The following COL22A1 variants were observed in gnomAD, a reference collection of about 807,000 sequenced individuals.
COL22A1 encodes collagen alpha-1(XXII) chain.
Under a neutral mutation model 248.9 loss-of-function variants are expected in COL22A1, and 221 were observed. The observed-to-expected ratio is 0.89, with a 90% confidence interval of 0.80 to 0.99. The LOEUF is 0.99. Ranked by LOEUF, COL22A1 falls within the 50% of genes least tolerant of loss-of-function variation. The pLI is 0.00. For missense variants in COL22A1, 2,240 were observed against 2,179.0 expected (o/e 1.03, Z -0.56); for synonymous variants, 891 against 793.4 (o/e 1.12, Z -2.07).
intron 16 of COL22A1, 104 bp from the exon 17 acceptor site, chr8:138,762,570 A>G (rs1478567439): frequency 5.7e-6 from 6 of 1,051,474 alleles, no homozygotes; most frequent in Non-Finnish European, 8.6e-6. Flanking sequence ...GGGTGGGGAA[A>G]AGGTGCCAAA....
intron 9 of COL22A1, among the ~76,000 whole-genome samples, chr8:138,809,866 A>G (rs2131685223): frequency 6.6e-6 from 1 of 152,240 alleles, no homozygotes; most frequent in Middle Eastern, 3.4e-3. Flanking sequence ...TGATTGACTT[A>G]TATATCAACT....
intron 3 of COL22A1, among the ~76,000 whole-genome samples, chr8:138,864,167 T>TGCCCAAACGGCAA (rs1822695314): frequency 6.6e-6 from 1 of 152,044 alleles, no homozygotes; most frequent in South Asian, 2.1e-4. Context: ...ATCTGGACCT[T>TGCCCAAACGGCAA]GGACCTCCCT....
At chr8:138,620,746 C>A (rs1819717442) in intron 52 of COL22A1, 1 of 152,232 alleles carries the variant, frequency 6.6e-6, no homozygotes, top group South Asian at 2.1e-4. Context: ...CATAGAGGTT[C>A]AGTCATCTGC....
At chr8:138,647,796 A>G (rs932246956) in intron 46 of COL22A1, among the ~76,000 whole-genome samples, 5 of 152,172 alleles carry the variant, frequency 3.3e-5, no homozygotes, top group Admixed American at 6.5e-5. Flanking sequence ...CACAGAATAC[A>G]AGCCTCATTC....
rs1217107919 is a variant in COL22A1, at chr8:138,878,139, A to G, written c.269T>C (p.Phe90Ser). 1.2e-6 allele frequency: 2 copies of G among 1,606,100 alleles called. No homozygotes were observed. Among genetic ancestry groups the G allele is most frequent in the Non-Finnish European group, 1.7e-6 (2 of 1,177,094 alleles). The part of the protein sequence containing the change: ...VRYSDRPTTA[F>S]ELGLFGSQEE... ...CTGCGAGCCAAAGAGTCCCAACTCG[A>G]AGGCCGTGGTGGGCCGGTCGCTGTA... Residue 90 changes from phenylalanine (F) to serine (S), a missense_variant, in exon 3 of 65, where the codon TTC (phenylalanine) becomes TCC (serine). By Grantham distance (155) the Phe-to-Ser change is radical (BLOSUM62 -2). Transcript: ENST00000303045.
intron 17 of COL22A1, among the ~76,000 whole-genome samples, chr8:138,761,543 G>T (rs1001910916): frequency 6.6e-6 from 1 of 151,494 alleles, no homozygotes. Context: ...TAGTATATTA[G>T]AATATTTATT....
chr8:138,755,647 C>A, intron 19 of COL22A1, 136 bp from the exon 20 acceptor site: 1 of 1,345,040 alleles, frequency 7.4e-7, no homozygotes, highest in South Asian at 1.2e-5. Flanking sequence ...CTGATTCTGC[C>A]CCATTTTTAG....
chr8:138,607,682 G>GT (rs1271663226), intron 57 of COL22A1, among the ~76,000 whole-genome samples: 1 of 152,066 alleles, frequency 6.6e-6, no homozygotes, highest in Non-Finnish European at 1.5e-5. Context: ...AAAAATGTTT[G>GT]TTTTGGGTGC....
intron 50 of COL22A1, among the ~76,000 whole-genome samples, chr8:138,628,094 T>C (rs1464407127): frequency 6.6e-6 from 1 of 152,128 alleles, no homozygotes; most frequent in Admixed American, 6.5e-5. Flanking sequence ...TTCAAAAAAG[T>C]AACAAAAACT....
chr8:138,881,411 T>C (rs924528564), intron 2 of COL22A1, among the ~76,000 whole-genome samples: 8 of 151,434 alleles, frequency 5.3e-5, no homozygotes, highest in African/African-American at 7.3e-5. Context: ...TCTGGGTGGG[T>C]GTGGTGGCTC....
intron 31 of COL22A1, among the ~76,000 whole-genome samples, chr8:138,702,231 C>A (rs1031477043): frequency 2.0e-5 from 3 of 152,152 alleles, no homozygotes; most frequent in Admixed American, 1.3e-4. Context: ...TGCACCCCTG[C>A]CAATGCTGTA....
intron 36 of COL22A1, among the ~76,000 whole-genome samples, chr8:138,689,441 G>A (rs1220860830): frequency 6.6e-6 from 1 of 152,030 alleles, no homozygotes; most frequent in Non-Finnish European, 1.5e-5. Context: ...AGCAAAAAGG[G>A]GAGAACACTC....
chr8:138,594,300 G>C (rs1229781648), intron 62 of COL22A1, 101 bp from the exon 63 acceptor site: 1 of 1,048,216 alleles, frequency 9.5e-7, no homozygotes, highest in African/African-American at 1.7e-5. Context: ...GCCGATAATA[G>C]CTGCAGAAAC....
intron 3 of COL22A1, among the ~76,000 whole-genome samples, chr8:138,858,769 C>T (rs1029114186): frequency 2.2e-4 from 33 of 152,200 alleles, no homozygotes; most frequent in Non-Finnish European, 5.9e-5. Flanking sequence ...CAAAACACCT[C>T]TCTGCTTCCC....
rs1159222207 is a variant in COL22A1 at position 138,886,445 on chromosome 8, GA to G, written c.-72-3202del. Among the ~76,000 whole-genome samples the G allele has an allele frequency of 2.0e-5, 3 of 151,578 alleles. No homozygotes were observed. The East Asian group carries it at 5.8e-4, about 29-fold the overall frequency. On this transcript the variant is annotated intron_variant, in intron 1 of 64. Coordinates refer to ENST00000303045, the MANE Select transcript of COL22A1 (RefSeq NM_152888.3). ...AGCAGAGGGGAAGGAGGAAGAGAGA[GA>G]AAAAAAAGGAAAGAAAGAAGGGGAG...
chr8:138,681,706 C>T (rs1457028330), intron 39 of COL22A1, among the ~76,000 whole-genome samples: 2 of 152,188 alleles, frequency 1.3e-5, no homozygotes, highest in African/African-American at 2.4e-5. Flanking sequence ...ACAAAATCCT[C>T]CAGAATCTAG....
intron 45 of COL22A1, among the ~76,000 whole-genome samples, chr8:138,654,465 T>C (rs1027791414): frequency 2.6e-5 from 4 of 152,174 alleles, no homozygotes; most frequent in Non-Finnish European, 5.9e-5. Flanking sequence ...AGGTTTTCTT[T>C]TTCTTTTGTT....
At chr8:138,816,041 GA>G (rs1234042962) in intron 7 of COL22A1, among the ~76,000 whole-genome samples, 93 of 152,310 alleles carry the variant, frequency 6.1e-4, no homozygotes, top group Non-Finnish European at 8.8e-5. Flanking sequence ...AGAAACAGGA[GA>G]AAATGACAAA....
intron 49 of COL22A1, among the ~76,000 whole-genome samples, chr8:138,631,840 C>T (rs1207395061): frequency 2.6e-5 from 4 of 152,160 alleles, no homozygotes; most frequent in African/African-American, 4.8e-5. Flanking sequence ...TACCTTCCTC[C>T]ATAGCACCTG....
Sources: gnomAD v4.1 joint callset for allele counts (sites outside exome capture counted in the v4.1 genomes callset) on GRCh38, gnomAD v4.1.1 for gene constraint, MANE v1.5 for transcripts, NCBI Gene and HGNC (gene_info 2026-07-23, HGNC 2026-07-21) for gene names.